IFT52: variants seen among roughly 807,000 people sequenced by gnomAD.
IFT52 encodes the protein intraflagellar transport protein 52 homolog.
Under a neutral mutation model 54.4 loss-of-function variants are expected in IFT52, and 44 were observed. The observed-to-expected ratio is 0.81, with a 90% CI of 0.63 to 1.04. The LOEUF is 1.04. Among genes scored for constraint, IFT52 ranks in the 50% least tolerant of loss-of-function variants. IFT52 has a pLI of 0.00. For missense variants in IFT52, 452 were observed against 523.6 expected (o/e 0.86, Z 1.33); for synonymous variants, 181 against 185.3 (o/e 0.98, Z 0.19).
intron 12 of IFT52, among the ~76,000 whole-genome samples, chr20:43,639,114 AAGATAT>A (rs1158203253): frequency 6.6e-6 from 1 of 152,130 alleles, no homozygotes; most frequent in African/African-American, 2.4e-5. Context: ...CAAGACAAAA[AAGATAT>A]AGATATTAAT....
At chr20:43,629,353 AGCTCC>A (rs1984997811) in intron 10 of IFT52, among the ~76,000 whole-genome samples, 1 of 14,308 alleles carries the variant, frequency 7.0e-5, no homozygotes, top group Non-Finnish European at 2.5e-4. Flanking sequence ...ACTCACTGCA[AGCTCC>A]GCCTCCCGGG....
rs1326799978 is a variant in IFT52 at position 43,645,353 on chromosome 20, C to A, written c.1267-1583C>A. On this transcript the variant is annotated intron_variant, in intron 13 of 13. Coordinates refer to ENST00000373030, the MANE Select transcript of IFT52 (RefSeq NM_016004.5). ...CAGGTGGATCACGAGGTCAGGAGAT[C>A]GAGACCATACTGGCTAACACAGTGA... is the stretch of plus-strand genomic sequence containing the variant. Among the ~76,000 whole-genome samples the A allele has an allele frequency of 3.6e-5, 2 of 55,486 alleles. 1 individual carries two copies. Among genetic ancestry groups the A allele is most frequent in the Non-Finnish European group, 8.5e-5 (2 of 23,566 alleles). The allele number at this position is 55,486 out of a possible 152,430, so 36.4% of individuals were successfully genotyped here. A position where few individuals can be genotyped will look rare whatever the true frequency, so the allele number is the denominator to read the frequency against.
chr20:43,592,099 A>T (rs1981572167), intron 1 of IFT52, among the ~76,000 whole-genome samples: 1 of 152,192 alleles, frequency 6.6e-6, no homozygotes, highest in Non-Finnish European at 1.5e-5. Context: ...TCACACCTGT[A>T]ATCCCAGCAC....
chr20:43,596,725 T>C (rs909967574), intron 3 of IFT52, among the ~76,000 whole-genome samples: 9 of 148,982 alleles, frequency 6.0e-5, no homozygotes, highest in African/African-American at 2.2e-4. Context: ...AATTAAATAT[T>C]AGCCACACTT....
intron 10 of IFT52, among the ~76,000 whole-genome samples, chr20:43,628,048 C>T (rs1346408740): frequency 1.3e-5 from 2 of 150,986 alleles, no homozygotes; most frequent in African/African-American, 2.4e-5. Context: ...TACCTCTCAG[C>T]CTCCATAGTA....
At chr20:43,612,970 A>C (rs535918557) in intron 6 of IFT52, among the ~76,000 whole-genome samples, 1 of 152,222 alleles carries the variant, frequency 6.6e-6, no homozygotes, top group Admixed American at 6.5e-5. Flanking sequence ...TTCACCCCAG[A>C]ATCTGCACCC....
intron 3 of IFT52, among the ~76,000 whole-genome samples, chr20:43,600,521 A>G (rs138857920): frequency 0.029 from 4,406 of 151,936 alleles, 71 homozygotes; most frequent in Middle Eastern, 0.078. Context: ...AGCCAGGGTG[A>G]TCTCGATCTC....
intron 10 of IFT52, among the ~76,000 whole-genome samples, chr20:43,624,692 A>G (rs1484694145): frequency 6.6e-6 from 1 of 152,178 alleles, no homozygotes; most frequent in Non-Finnish European, 1.5e-5. Flanking sequence ...AAAGCAGTTA[A>G]AAGTACAGGA....
intron 7 of IFT52, among the ~76,000 whole-genome samples, chr20:43,617,099 A>G (rs941508859): frequency 3.9e-5 from 6 of 152,132 alleles, no homozygotes; most frequent in African/African-American, 1.2e-4. Context: ...AAAACCCTTT[A>G]TAATATGAAA....
chr20:43,609,716 A>G (rs957641217), intron 6 of IFT52, among the ~76,000 whole-genome samples: 1 of 145,774 alleles, frequency 6.9e-6, no homozygotes, highest in East Asian at 2.1e-4. Flanking sequence ...CGGAGGTTGC[A>G]TTTAGCCGAG....
chr20:43,594,764 C>CA lies in IFT52; in HGVS notation c.68dup (p.Asn23LysfsTer13). ...ACAAAAAGGAGATATTTACCACCAA[C>CA]AATGGCTACAAATCCATGCAGAAAA... On this transcript the variant is annotated frameshift_variant, in exon 2 of 14. Coordinates refer to ENST00000373030, the MANE Select transcript of IFT52 (RefSeq NM_016004.5). LOFTEE classifies it high-confidence loss of function. 1 of 1,613,262 alleles carries CA rather than the reference C, an allele frequency of 6.2e-7. No homozygotes were observed. Among genetic ancestry groups the CA allele is most frequent in the Non-Finnish European group, 8.5e-7 (1 of 1,179,224 alleles).
chr20:43,628,178 C>G (rs901565935), intron 10 of IFT52, among the ~76,000 whole-genome samples: 1 of 152,048 alleles, frequency 6.6e-6, no homozygotes, highest in African/African-American at 2.4e-5. Context: ...ATCCACCCGC[C>G]TCAGCCTCCC....
intron 6 of IFT52, among the ~76,000 whole-genome samples, chr20:43,612,811 G>A (rs1370738911): frequency 6.6e-6 from 1 of 152,182 alleles, no homozygotes; most frequent in Admixed American, 6.6e-5. Flanking sequence ...AACCCCTCAT[G>A]GGTGCTTCCC....
In IFT52 at chr20:43,604,238, T is replaced by G; in HGVS notation, c.393T>G (p.Val131=). ...HKYFHPKEAL[V]SSGVLNREIS... ...ATTTCCATCCTAAAGAAGCTCTAGT[T>G]TCCAGTGGAGTCTTGAACAGGTAAG... The change falls in exon 5 of 14, where the codon GTT becomes GTG. Residue 131 remains valine, a synonymous_variant. Transcript: ENST00000373030. 1 of 1,611,356 alleles carries G rather than the reference T, an allele frequency of 6.2e-7. No individual in the cohort carries two copies. Among genetic ancestry groups the G allele is most frequent in the East Asian group, 2.2e-5 (1 of 44,870 alleles).
chr20:43,634,424 C>T (rs73907875), intron 10 of IFT52, among the ~76,000 whole-genome samples: 1,660 of 152,146 alleles, frequency 0.011, 22 homozygotes, highest in African/African-American at 0.03. Context: ...GAAAGTGAAA[C>T]ACTGCATATC....
intron 9 of IFT52, 137 bp downstream of exon 9, chr20:43,621,062 G>T: frequency 3.1e-6 from 2 of 638,600 alleles, no homozygotes; most frequent in Non-Finnish European, 5.6e-6. Flanking sequence ...TGATTTGGGG[G>T]AGATGAAGGC....
chr20:43,642,383 GGAA>G, intron 12 of IFT52, 93 bp from the exon 13 acceptor site: 1 of 1,124,352 alleles, frequency 8.9e-7, no homozygotes, highest in Admixed American at 2.2e-5. Flanking sequence ...TAGGAAATGT[GGAA>G]ACATGACAGG....
chr20:43,641,555 G>A (rs894715266), intron 12 of IFT52, among the ~76,000 whole-genome samples: 1 of 149,188 alleles, frequency 6.7e-6, no homozygotes, highest in Admixed American at 6.7e-5. Context: ...GTGCAATGGC[G>A]TGATCTCAGC....
chr20:43,609,031 T>C (rs936024975), intron 6 of IFT52, among the ~76,000 whole-genome samples: 1 of 149,270 alleles, frequency 6.7e-6, no homozygotes, highest in African/African-American at 2.5e-5. Context: ...AGGCTAAGAG[T>C]TCAAGACCAG....
Sources: allele counts gnomAD v4.1 joint callset (sites outside exome capture counted in the v4.1 genomes callset), GRCh38; gene constraint gnomAD v4.1.1; transcripts MANE v1.5; gene names NCBI Gene and HGNC (gene_info 2026-07-23, HGNC 2026-07-21).